The following RNLS variants were observed in gnomAD, a reference collection of about 807,000 sequenced individuals.
The protein encoded by RNLS is renalase, FAD dependent amine oxidase.
In RNLS, 39 loss-of-function variants were observed where a neutral mutation model predicts 39.8. The ratio of observed to expected loss-of-function variants is 0.98; its 90% CI spans 0.76 to 1.28. The LOEUF (loss-of-function observed/expected upper bound fraction) is 1.28, where lower values mean the gene tolerates loss of function less well. Ranked by LOEUF, RNLS falls within the 50% of genes most tolerant of loss-of-function variation. The pLI is 0.00. For missense variants in RNLS, 410 were observed against 413.3 expected (o/e 0.99, Z 0.07); for synonymous variants, 147 against 150.7 (o/e 0.98, Z 0.18).
chr10:88,288,709 G>C (rs1843457634), intron 6 of RNLS, among the ~76,000 whole-genome samples: 1 of 152,194 alleles, frequency 6.6e-6, no homozygotes, highest in Non-Finnish European at 1.5e-5. Flanking sequence ...AGTGGTAAAT[G>C]CCAGATGCCA....
intron 4 of RNLS, among the ~76,000 whole-genome samples, chr10:88,428,366 C>G (rs752443471): frequency 6.6e-6 from 1 of 151,696 alleles, no homozygotes; most frequent in African/African-American, 2.4e-5. Context: ...ATTCATTTAC[C>G]TTTCTCAAAT....
intron 6 of RNLS, among the ~76,000 whole-genome samples, chr10:88,286,346 T>C (rs999799791): frequency 6.6e-6 from 1 of 152,128 alleles, no homozygotes; most frequent in Admixed American, 6.6e-5. Context: ...CTTTTTATTT[T>C]CATATCTGAA....
In RNLS at chr10:88,481,968, C is replaced by A. The variant is rs12359844; in HGVS notation, c.526+90935G>T. On this transcript the variant is annotated intron_variant, in intron 4 of 6. Transcript: ENST00000331772. ...GGCTAGTTTTAATGAATATAGAATT[C>A]TTCGTTGATTTTTTTTTCTTCCAGT... Among the ~76,000 whole-genome samples, 218 of 152,124 alleles carry A rather than the reference C, an allele frequency of 1.4e-3. 4 individuals are homozygous for A. Among genetic ancestry groups the A allele is most frequent in the Middle Eastern group, 0.01 (3 of 294 alleles).
intron 4 of RNLS, among the ~76,000 whole-genome samples, chr10:88,383,794 A>C (rs1019339570): frequency 6.6e-6 from 1 of 152,152 alleles, no homozygotes; most frequent in African/African-American, 2.4e-5. Context: ...TCATCAACAG[A>C]TATTAGTATT....
chr10:88,337,728 G>C (rs1847611054), intron 5 of RNLS, among the ~76,000 whole-genome samples: 1 of 152,088 alleles, frequency 6.6e-6, no homozygotes, highest in African/African-American at 2.4e-5. Flanking sequence ...TTTACTCCTG[G>C]ATTTTTCAGG....
the RNLS span, among the ~76,000 whole-genome samples, chr10:88,268,433 A>G: frequency 2.0e-5 from 3 of 152,192 alleles, no homozygotes; most frequent in Non-Finnish European, 4.4e-5. Flanking sequence ...ATTCCCAATG[A>G]TTAGACATGG....
At chr10:88,268,062 C>T in the RNLS span, among the ~76,000 whole-genome samples, 40 of 152,252 alleles carry the variant, frequency 2.6e-4, no homozygotes, top group Middle Eastern at 3.4e-3. Flanking sequence ...TTTTATTTTA[C>T]GCTTTTCAAA....
chr10:88,252,659 G>C, the RNLS span, among the ~76,000 whole-genome samples: 1 of 100,290 alleles, frequency 1.0e-5, no homozygotes, highest in African/African-American at 3.8e-5. Context: ...TAATCACCCT[G>C]TCCTTGGTCC....
chr10:88,215,994 GGC>G, the RNLS span, among the ~76,000 whole-genome samples: 1 of 151,900 alleles, frequency 6.6e-6, no homozygotes, highest in Non-Finnish European at 1.5e-5. Context: ...CACCGTGCCC[GGC>G]CTCATCTGTA....
chr10:88,271,198 T>C (rs1842641773), downstream of RNLS, among the ~76,000 whole-genome samples: 1 of 152,182 alleles, frequency 6.6e-6, no homozygotes, highest in Non-Finnish European at 1.5e-5. Context: ...TGGCTTCTAA[T>C]GCTGCGAAAA....
chr10:88,193,545 T>C, the RNLS span, among the ~76,000 whole-genome samples: 2 of 152,138 alleles, frequency 1.3e-5, no homozygotes, highest in African/African-American at 4.8e-5. Context: ...TTTGTTTCCA[T>C]GTCTTCTGTC....
intron 4 of RNLS, among the ~76,000 whole-genome samples, chr10:88,550,229 G>A (rs529011336): frequency 2.1e-4 from 32 of 152,204 alleles, no homozygotes; most frequent in Non-Finnish European, 4.0e-4. Flanking sequence ...AGATATTATA[G>A]TTTACTTTTC....
the RNLS span, among the ~76,000 whole-genome samples, chr10:88,203,238 GT>G: frequency 3.9e-5 from 1 of 25,624 alleles, no homozygotes; most frequent in Non-Finnish European, 6.4e-5. Context: ...GTGTGTGTGT[GT>G]GTGTGTGTGT....
intron 4 of RNLS, among the ~76,000 whole-genome samples, chr10:88,458,810 T>C (rs1033037792): frequency 1.1e-4 from 16 of 152,208 alleles, no homozygotes; most frequent in African/African-American, 3.9e-4. Context: ...TCCTCAATTC[T>C]AGTTTTGCTT....
At chr10:88,223,346 G>T in the RNLS span, among the ~76,000 whole-genome samples, 1 of 152,052 alleles carries the variant, frequency 6.6e-6, no homozygotes, top group Non-Finnish European at 1.5e-5. Flanking sequence ...TTATTTTTTG[G>T]CTACGAGAAA....
rs1011459880 is a variant in RNLS, at chr10:88,478,614, A to T, written c.526+94289T>A. ...TCTCTCCACTGTCCCCCCAGATAAAAAATAAACCCACAAGACACAGGGCTT... is the reference window on the plus strand; with the variant it reads ...TCTCTCCACTGTCCCCCCAGATAAATAATAAACCCACAAGACACAGGGCTT... On this transcript the variant is annotated intron_variant, in intron 4 of 6. Coordinates refer to ENST00000331772, the MANE Select transcript of RNLS (RefSeq NM_001031709.3). Among the ~76,000 whole-genome samples the T allele has an allele frequency of 2.3e-4, 35 of 152,110 alleles. 1 individual carries two copies. The highest frequency in any genetic ancestry group is 1.8e-3 in the Admixed American group (28 of 15,260).
chr10:88,362,871 T>C, intron 4 of RNLS, 146 bp from the exon 5 acceptor site: 1 of 668,448 alleles, frequency 1.5e-6, no homozygotes, highest in Non-Finnish European at 2.4e-6. Flanking sequence ...TAATGTAAAA[T>C]AGCACCAGCT....
At chr10:88,572,522 A>G (rs1180237470) in intron 4 of RNLS, among the ~76,000 whole-genome samples, 1 of 152,236 alleles carries the variant, frequency 6.6e-6, no homozygotes, top group Non-Finnish European at 1.5e-5. Flanking sequence ...AAACACAATT[A>G]GAGAGCAACC....
intron 4 of RNLS, among the ~76,000 whole-genome samples, chr10:88,463,528 C>A (rs1377984133): frequency 6.6e-6 from 1 of 151,924 alleles, no homozygotes; most frequent in Admixed American, 6.6e-5. Flanking sequence ...GCATCCCTGG[C>A]AAACTCATAC....
Sources: allele counts gnomAD v4.1 joint callset (sites outside exome capture counted in the v4.1 genomes callset), GRCh38; gene constraint gnomAD v4.1.1; transcripts MANE v1.5; gene names NCBI Gene and HGNC (gene_info 2026-07-23, HGNC 2026-07-21).